Variants in XRCC4 observed in about 807,000 individuals in gnomAD.
XRCC4 encodes the protein X-ray repair cross complementing 4, also known as DNA repair protein XRCC4.
XRCC4 carries 28 observed loss-of-function variants against 39.1 expected under a neutral mutation model. The observed-to-expected ratio is 0.72, with a 90% CI of 0.53 to 0.98. XRCC4 has a LOEUF of 0.98. Ranked by LOEUF, XRCC4 falls within the 50% of genes least tolerant of loss-of-function variation. The pLI, the probability that XRCC4 is intolerant of heterozygous loss-of-function variation, is 0.00. For missense variants in XRCC4, 350 were observed against 376.4 expected, an observed-to-expected ratio of 0.93 and a Z score of 0.58; for synonymous variants, 123 against 126.4, an observed-to-expected ratio of 0.97 and a Z score of 0.18.
At chr5:83,108,366 C>A (rs555035346) in intron 2 of XRCC4, among the ~76,000 whole-genome samples, 1 of 151,974 alleles carries the variant, frequency 6.6e-6, no homozygotes, top group Admixed American at 6.6e-5. Context: ...CATTTTTGAA[C>A]AAATAGCTGT....
intron 6 of XRCC4, among the ~76,000 whole-genome samples, chr5:83,233,536 C>G (rs1345799602): frequency 1.3e-5 from 2 of 151,912 alleles, no homozygotes; most frequent in African/African-American, 4.8e-5. Flanking sequence ...CAGATCCTCT[C>G]TTGGATTTAT....
the XRCC4 span, among the ~76,000 whole-genome samples, chr5:83,363,843 G>A: frequency 1.9e-4 from 29 of 152,298 alleles, no homozygotes; most frequent in Admixed American, 8.5e-4. Context: ...GCAGAATGCT[G>A]CTCCTGTATA....
rs1179096576 is a variant in XRCC4 at position 83,260,145 on chromosome 5, A to G, written c.893+1468A>G. ...CTTTCCGGTTTGTGTTTATCATTTG[A>G]ATTTATTCGTAGCTTATAACCCCTT... On this transcript the variant is annotated intron_variant, in intron 7 of 7. Transcript: ENST00000396027. Among the ~76,000 whole-genome samples, 5 of 152,110 alleles carry G rather than the reference A, an allele frequency of 3.3e-5. 1 individual carries two copies. The highest frequency in any genetic ancestry group is 7.4e-5 in the Non-Finnish European group (5 of 67,982).
intron 7 of XRCC4, among the ~76,000 whole-genome samples, chr5:83,345,029 C>A (rs1303928384): frequency 6.6e-6 from 1 of 152,144 alleles, no homozygotes; most frequent in Non-Finnish European, 1.5e-5. Flanking sequence ...TGTTTCTTTA[C>A]CTCCATTGTT....
intron 2 of XRCC4, among the ~76,000 whole-genome samples, chr5:83,107,041 T>C (rs979946133): frequency 6.6e-6 from 1 of 152,020 alleles, no homozygotes; most frequent in Non-Finnish European, 1.5e-5. Context: ...ATCAAACTTA[T>C]GTATTCTCAG....
chr5:83,283,381 C>T (rs1754617691), intron 7 of XRCC4, among the ~76,000 whole-genome samples: 1 of 152,178 alleles, frequency 6.6e-6, no homozygotes, highest in Non-Finnish European at 1.5e-5. Flanking sequence ...ATTCTCATTT[C>T]TTCCATTTAT....
intron 6 of XRCC4, among the ~76,000 whole-genome samples, chr5:83,252,079 T>G (rs944963276): frequency 6.6e-6 from 1 of 152,202 alleles, no homozygotes; most frequent in Admixed American, 6.5e-5. Flanking sequence ...TGAAGTATGG[T>G]GTGCTAGACC....
intron 7 of XRCC4, among the ~76,000 whole-genome samples, chr5:83,327,305 T>C (rs1235385018): frequency 6.6e-6 from 1 of 152,094 alleles, no homozygotes; most frequent in Non-Finnish European, 1.5e-5. Context: ...ATAGCCATCT[T>C]GAGTCTGGCT....
intron 1 of XRCC4, among the ~76,000 whole-genome samples, chr5:83,078,317 T>A (rs986188432): frequency 5.3e-5 from 8 of 152,362 alleles, no homozygotes; most frequent in African/African-American, 1.4e-4. Context: ...TTTGCGTAGT[T>A]CTTGGAATTC....
intron 6 of XRCC4, among the ~76,000 whole-genome samples, chr5:83,214,351 G>C (rs1006418939): frequency 6.6e-6 from 1 of 152,134 alleles, no homozygotes; most frequent in African/African-American, 2.4e-5. Flanking sequence ...ACTCCAGTAA[G>C]GTTACAGTGT....
chr5:83,203,737 A>G (rs1432295197), intron 5 of XRCC4, 30 bp downstream of exon 5: 12 of 1,604,690 alleles, frequency 7.5e-6, no homozygotes, highest in Non-Finnish European at 9.4e-6. Context: ...TTTGGATGAC[A>G]GATGAATACA....
chr5:83,310,107 A>G (rs780240685), intron 7 of XRCC4, among the ~76,000 whole-genome samples: 1 of 152,216 alleles, frequency 6.6e-6, no homozygotes, highest in Non-Finnish European at 1.5e-5. Flanking sequence ...TAACTGCCCA[A>G]GATCTTATAT....
intron 7 of XRCC4, among the ~76,000 whole-genome samples, chr5:83,343,237 G>A (rs796659062): frequency 8.5e-5 from 13 of 152,080 alleles, no homozygotes; most frequent in African/African-American, 3.1e-4. Flanking sequence ...GGAAGTTTGT[G>A]ATAAAACAAA....
At chr5:83,116,636 TTTTGA>T (rs1746732357) in intron 3 of XRCC4, among the ~76,000 whole-genome samples, 4 of 128,254 alleles carry the variant, frequency 3.1e-5, no homozygotes, top group African/African-American at 1.2e-4. Flanking sequence ...TTTTTTTTTT[TTTTGA>T]GATGGAGCCT....
chr5:83,158,373 G>T (rs1427193241), intron 3 of XRCC4, among the ~76,000 whole-genome samples: 2 of 152,070 alleles, frequency 1.3e-5, no homozygotes, highest in African/African-American at 4.8e-5. Flanking sequence ...GATCTCTGTA[G>T]ATATTGTGAA....
At chr5:83,323,548 A>G (rs565403907) in intron 7 of XRCC4, among the ~76,000 whole-genome samples, 1 of 152,198 alleles carries the variant, frequency 6.6e-6, no homozygotes, top group East Asian at 1.9e-4. Flanking sequence ...TATAATAAAA[A>G]TAAAGCAACA....
chr5:83,173,370 CT>C (rs1407675710), intron 3 of XRCC4, among the ~76,000 whole-genome samples: 1 of 152,162 alleles, frequency 6.6e-6, no homozygotes, highest in Non-Finnish European at 1.5e-5. Context: ...TTAATGAATA[CT>C]CTTTTATAAC....
chr5:83,164,847 T>A (rs1216729908), intron 3 of XRCC4, among the ~76,000 whole-genome samples: 1 of 152,150 alleles, frequency 6.6e-6, no homozygotes, highest in African/African-American at 2.4e-5. Flanking sequence ...GTTAAAAAGC[T>A]TAAGAAATTA....
chr5:83,197,066 G>T (rs969295823), intron 4 of XRCC4, among the ~76,000 whole-genome samples: 1 of 151,064 alleles, frequency 6.6e-6, no homozygotes, highest in African/African-American at 2.4e-5. Flanking sequence ...TAAGAAAGTG[G>T]TTATTTTGTT....
Sources: allele counts gnomAD v4.1 joint callset (sites outside exome capture counted in the v4.1 genomes callset), GRCh38; gene constraint gnomAD v4.1.1; transcripts MANE v1.5; gene names NCBI Gene and HGNC (gene_info 2026-07-23, HGNC 2026-07-21).